CLIC5: variants seen among roughly 807,000 people sequenced by gnomAD.
The protein encoded by CLIC5 is CLIC family member 5.
In CLIC5, 20 loss-of-function variants were observed where a neutral mutation model predicts 24.7. The observed-to-expected ratio is 0.81, with a 90% CI of 0.57 to 1.18. The LOEUF (loss-of-function observed/expected upper bound fraction) is 1.18. CLIC5 is among the 50% of genes most tolerant of loss of function. The pLI is 0.00. For missense variants in CLIC5, 341 were observed against 326.1 expected (o/e 1.05, Z -0.35); for synonymous variants, 159 against 135.6 (o/e 1.17, Z -1.20).
At chr6:46,003,277 A>G (rs542397902) in intron 1 of CLIC5, among the ~76,000 whole-genome samples, 2 of 152,290 alleles carry the variant, frequency 1.3e-5, no homozygotes, top group South Asian at 4.1e-4. Flanking sequence ...CTGAGGTGTG[A>G]AGACTGGTTT....
Position 46,015,851 on chromosome 6 carries a change from G to T in CLIC5, c.-309C>A. The T allele has an allele frequency of 3.6e-6, 4 of 1,110,810 alleles. No homozygotes were observed. The highest frequency in any genetic ancestry group is 4.4e-6 in the Non-Finnish European group (4 of 910,356). 68.8% of individuals were successfully genotyped at this position (1,110,810 alleles called of 1,614,324 possible). On this transcript the variant is annotated 5_prime_UTR_variant, in exon 1 of 6. Coordinates refer to ENST00000339561, the MANE Select transcript of CLIC5 (RefSeq NM_016929.5). ...TGCCCGGAGGTGTCACAGGATCCGC[G>T]ACTGTCAGCGATCCCGCCGCCGCCA... is the stretch of plus-strand genomic sequence containing the variant.
At chr6:45,923,663 A>G (rs561453276) in intron 4 of CLIC5, among the ~76,000 whole-genome samples, 1 of 152,326 alleles carries the variant, frequency 6.6e-6, no homozygotes, top group Admixed American at 6.5e-5. Flanking sequence ...GGAAGGTGGG[A>G]AGTGTTGAGT....
chr6:46,021,585 G>A (rs577496738), intron 1 of CLIC5, among the ~76,000 whole-genome samples: 3 of 152,156 alleles, frequency 2.0e-5, no homozygotes, highest in Admixed American at 6.5e-5. Context: ...TTTATGCAAC[G>A]GTATATCACT....
chr6:46,128,121 T>C, the CLIC5 span, among the ~76,000 whole-genome samples: 1 of 152,174 alleles, frequency 6.6e-6, no homozygotes, highest in African/African-American at 2.4e-5. Context: ...ATGGTAAATA[T>C]ATAGAGGATA....
chr6:46,040,654 G>T (rs981743004), intron 1 of CLIC5, among the ~76,000 whole-genome samples: 1 of 152,046 alleles, frequency 6.6e-6, no homozygotes, highest in African/African-American at 2.4e-5. Context: ...TGATGTCGAC[G>T]GTAGCTGATA....
the CLIC5 span, among the ~76,000 whole-genome samples, chr6:46,087,704 A>G: frequency 1.3e-5 from 2 of 152,304 alleles, no homozygotes; most frequent in East Asian, 3.9e-4. Flanking sequence ...TAGAAGAGAA[A>G]CATCTCAAAG....
At chr6:46,045,288 A>G (rs1767923761) in intron 1 of CLIC5, among the ~76,000 whole-genome samples, 1 of 152,234 alleles carries the variant, frequency 6.6e-6, no homozygotes, top group East Asian at 1.9e-4. Flanking sequence ...ATTGGCTTCT[A>G]TAATTTTACC....
At chr6:45,998,879 A>G (rs1037254191) in intron 1 of CLIC5, among the ~76,000 whole-genome samples, 10 of 152,236 alleles carry the variant, frequency 6.6e-5, no homozygotes, top group Non-Finnish European at 1.3e-4. Context: ...GAACACAGGT[A>G]TGTCCATTTG....
downstream of CLIC5, among the ~76,000 whole-genome samples, chr6:45,895,532 T>C (rs1175340919): frequency 6.6e-6 from 1 of 152,196 alleles, no homozygotes; most frequent in African/African-American, 2.4e-5. Context: ...AGAATTATGG[T>C]ACAGTGGGTG....
chr6:45,975,423 AC>A (rs1561977280), intron 1 of CLIC5, among the ~76,000 whole-genome samples: 2 of 152,220 alleles, frequency 1.3e-5, no homozygotes, highest in African/African-American at 4.8e-5. Context: ...TGCAACTGAA[AC>A]AAAAGTATTT....
At chr6:46,086,037 A>G in the CLIC5 span, among the ~76,000 whole-genome samples, 1 of 151,666 alleles carries the variant, frequency 6.6e-6, no homozygotes, top group Admixed American at 6.6e-5. Context: ...TGGGCGTAGG[A>G]CCCTCCGAGC....
intron 1 of CLIC5, among the ~76,000 whole-genome samples, chr6:45,956,804 A>G (rs747797252): frequency 1.4e-4 from 21 of 152,146 alleles, no homozygotes; most frequent in Non-Finnish European, 2.5e-4. Flanking sequence ...CTGGAAGCAG[A>G]CCCACCCCTG....
intron 5 of CLIC5, among the ~76,000 whole-genome samples, chr6:45,903,686 T>A (rs1166942962): frequency 6.6e-6 from 1 of 152,168 alleles, no homozygotes; most frequent in Non-Finnish European, 1.5e-5. Flanking sequence ...AATCTAGTGA[T>A]CTGGAAAACT....
chr6:46,044,209 A>G (rs968615007), intron 1 of CLIC5, among the ~76,000 whole-genome samples: 4 of 152,192 alleles, frequency 2.6e-5, no homozygotes, highest in African/African-American at 4.8e-5. Context: ...GAAGTTTTAC[A>G]AAGGGTTCCT....
At chr6:46,025,458 G>A (rs547361375) in intron 1 of CLIC5, among the ~76,000 whole-genome samples, 9 of 152,290 alleles carry the variant, frequency 5.9e-5, no homozygotes, top group South Asian at 4.1e-4. Flanking sequence ...GCTAGAAAGC[G>A]CTAGAGCTGG....
the CLIC5 span, among the ~76,000 whole-genome samples, chr6:46,089,784 T>C: frequency 1.3e-5 from 2 of 152,306 alleles, no homozygotes; most frequent in South Asian, 2.1e-4. Context: ...ACATGAGTAA[T>C]TTCAACATGT....
chr6:46,114,679 A>C, the CLIC5 span, among the ~76,000 whole-genome samples: 1 of 152,260 alleles, frequency 6.6e-6, no homozygotes, highest in South Asian at 2.1e-4. Context: ...GCCTATTCTA[A>C]CAGTTCTTCA....
At chr6:46,055,388 C>A (rs1202220785) in intron 1 of CLIC5, among the ~76,000 whole-genome samples, 1 of 152,144 alleles carries the variant, frequency 6.6e-6, no homozygotes, top group African/African-American at 2.4e-5. Context: ...CAGGCGTGAA[C>A]CACCAAGCCC....
intron 1 of CLIC5, among the ~76,000 whole-genome samples, chr6:46,059,094 G>A (rs1226878306): frequency 6.6e-6 from 1 of 152,222 alleles, no homozygotes; most frequent in East Asian, 1.9e-4. Context: ...CCCCTAAGTA[G>A]AAATCCTGTG....
Sources: gnomAD v4.1 joint callset for allele counts (sites outside exome capture counted in the v4.1 genomes callset) on GRCh38, gnomAD v4.1.1 for gene constraint, MANE v1.5 for transcripts, NCBI Gene and HGNC (gene_info 2026-07-23, HGNC 2026-07-21) for gene names.